The following PXMP4 variants were observed in gnomAD, a reference collection of about 807,000 sequenced individuals.
PXMP4 encodes peroxisomal membrane protein 4.
In PXMP4, 16 loss-of-function variants were observed where a neutral mutation model predicts 21.6. The observed-to-expected ratio is 0.74, with a 90% CI of 0.50 to 1.13. The LOEUF (loss-of-function observed/expected upper bound fraction) is 1.13. PXMP4 is among the 50% of genes most tolerant of loss of function. The pLI is 0.00. For synonymous variants in PXMP4, 127 were observed against 123.8 expected, an observed-to-expected ratio of 1.03 and a Z score of -0.17; for missense variants, 240 against 277.7, an observed-to-expected ratio of 0.86 and a Z score of 0.96.
At chr20:33,713,809 T>C (rs1055650592) in intron 2 of PXMP4, among the ~76,000 whole-genome samples, 4 of 152,244 alleles carry the variant, frequency 2.6e-5, no homozygotes, top group Non-Finnish European at 5.9e-5. Flanking sequence ...ATGATTCCTG[T>C]ATGTTCCACA....
At chr20:33,717,658 A>AAAAT (rs1555866644) in intron 1 of PXMP4, among the ~76,000 whole-genome samples, 5,966 of 137,200 alleles carry the variant, frequency 0.043, 434 homozygotes, top group African/African-American at 0.072. Context: ...AAAAAAAAAA[A>AAAAT]TTATTAAATA....
rs1377998969 is a variant in PXMP4 at position 33,706,607 on chromosome 20, C to T, written c.*1099G>A. 1 of 151,982 alleles carries T rather than the reference C, an allele frequency of 6.6e-6. No homozygotes were observed. The highest frequency in any genetic ancestry group is 1.5e-5 in the Non-Finnish European group (1 of 68,024). 9.4% of individuals were successfully genotyped at this position (151,982 alleles called of 1,614,324 possible). A position where few individuals can be genotyped will look rare whatever the true frequency, so the allele number is the denominator to read the frequency against. Reference sequence around the variant, plus strand: ...GCTCTGAGAGGTCCAGAACCTTCCCCAAGGTTACACAGTGGGGGAGTGGGG... The same window carrying T: ...GCTCTGAGAGGTCCAGAACCTTCCCTAAGGTTACACAGTGGGGGAGTGGGG... On this transcript the variant is annotated 3_prime_UTR_variant, in exon 4 of 4. Transcript: ENST00000409299.
Position 33,704,192 on chromosome 20 carries a change from A to G in PXMP4, c.*3514T>C. The G allele has an allele frequency of 6.4e-6, 1 of 156,096 alleles. No homozygotes were observed. Among genetic ancestry groups the G allele is most frequent in the Non-Finnish European group, 1.4e-5 (1 of 71,054 alleles). 9.7% of individuals were successfully genotyped at this position (156,096 alleles called of 1,614,324 possible). On this transcript the variant is annotated 3_prime_UTR_variant, in exon 4 of 4. Coordinates refer to ENST00000409299, the MANE Select transcript of PXMP4 (RefSeq NM_007238.5). Reference sequence around the variant, plus strand: ...ATAATTGTACAACACACCATAATGTAGAATCAGTGGGAGCCCTGAGTTTGT... The same window carrying G: ...ATAATTGTACAACACACCATAATGTGGAATCAGTGGGAGCCCTGAGTTTGT...
intron 1 of PXMP4, among the ~76,000 whole-genome samples, chr20:33,715,692 G>A (rs948423155): frequency 1.3e-5 from 2 of 152,084 alleles, no homozygotes; most frequent in South Asian, 4.1e-4. Flanking sequence ...CTCCTAAAGT[G>A]CTGGGATTAC....
Position 33,702,813 on chromosome 20 carries a change from G to A in PXMP4, c.*4893C>T, listed in dbSNP as rs912219790. On this transcript the variant is annotated 3_prime_UTR_variant, in exon 4 of 4. Coordinates refer to ENST00000409299, the MANE Select transcript of PXMP4 (RefSeq NM_007238.5). Reference sequence around the variant, plus strand: ...ACATGTCAAAAGAATTAACAGGATTGTAGCAGGTGTTTAGTAAGTAGAGGT... The same window carrying A: ...ACATGTCAAAAGAATTAACAGGATTATAGCAGGTGTTTAGTAAGTAGAGGT... 3 of 152,148 alleles carry A rather than the reference G, an allele frequency of 2.0e-5. No individual in the cohort carries two copies. The highest frequency in any genetic ancestry group is 4.8e-5 in the African/African-American group (2 of 41,414). 9.4% of individuals were successfully genotyped at this position (152,148 alleles called of 1,614,324 possible). A position where few individuals can be genotyped will look rare whatever the true frequency, so the allele number is the denominator to read the frequency against.
At chr20:33,708,394 C>G (rs1015612748) in intron 3 of PXMP4, among the ~76,000 whole-genome samples, 4 of 151,884 alleles carry the variant, frequency 2.6e-5, no homozygotes, top group Non-Finnish European at 5.9e-5. Context: ...AATGTGTTGG[C>G]CAGGATGGTC....
At chr20:33,717,167 G>T (rs1040111701) in intron 1 of PXMP4, among the ~76,000 whole-genome samples, 1 of 152,000 alleles carries the variant, frequency 6.6e-6, no homozygotes, top group African/African-American at 2.4e-5. Flanking sequence ...AGCAGACTAA[G>T]ACTCTGTCTC....
At position 33,706,112 on chromosome 20, in the gene PXMP4, G is replaced by A. The variant is rs2018254393; in HGVS notation, c.*1594C>T. The A allele has an allele frequency of 6.6e-6, 1 of 151,864 alleles. No homozygotes were observed. The highest frequency in any genetic ancestry group is 1.5e-5 in the Non-Finnish European group (1 of 67,990). 9.4% of individuals were successfully genotyped at this position (151,864 alleles called of 1,614,324 possible). ...GGCTAATTTTTGTATTTTTAGTAGA[G>A]ATGGGGTTTTACCATGTTGGCCAGG... On this transcript the variant is annotated 3_prime_UTR_variant, in exon 4 of 4. Transcript: ENST00000409299.
In PXMP4 at chr20:33,720,093, A is replaced by C; in HGVS notation, c.113+2T>G. On this transcript the variant is annotated splice_donor_variant, in intron 1 of 3. Transcript: ENST00000409299. LOFTEE classifies it high-confidence loss of function. ...CCAGCCCGGCCCGACGGCCCCACTC[A>C]CACAGCCCCGTTCCGGAAGCCCTTA... 1 of 1,613,328 alleles carries C rather than the reference A, an allele frequency of 6.2e-7. No homozygotes were observed. The highest frequency in any genetic ancestry group is 8.5e-7 in the Non-Finnish European group (1 of 1,179,626).
chr20:33,713,675 T>C (rs1352644325), intron 2 of PXMP4, among the ~76,000 whole-genome samples: 1 of 148,602 alleles, frequency 6.7e-6, no homozygotes, highest in Non-Finnish European at 1.5e-5. Context: ...AATGAACACA[T>C]GAGTTCAGTT....
At position 33,702,893 on chromosome 20, in the gene PXMP4, A is replaced by G. The variant is rs1019072450; in HGVS notation, c.*4813T>C. 6.6e-6 allele frequency: 1 copy of G among 152,224 alleles called. No individual in the cohort carries two copies. Among genetic ancestry groups the G allele is most frequent in the African/African-American group, 2.4e-5 (1 of 41,452 alleles). The allele number at this position is 152,224 out of a possible 1,614,324, so 9.4% of individuals were successfully genotyped here. ...TAGGAAGCATAGCACTTACTGTGCA[A>G]CAAGAGCCCTCTGGCCATCCCTGTT... is the stretch of plus-strand genomic sequence containing the variant. On this transcript the variant is annotated 3_prime_UTR_variant, in exon 4 of 4. Transcript: ENST00000409299.
At chr20:33,714,639 T>G in intron 2 of PXMP4, 35 bp downstream of exon 2, 1 of 1,601,482 alleles carries the variant, frequency 6.2e-7, no homozygotes, top group Non-Finnish European at 8.6e-7. Context: ...CACTGAGGGC[T>G]GACCACATTC....
At position 33,710,744 on chromosome 20, in the gene PXMP4, C is replaced by G. The variant is rs746186902; in HGVS notation, c.186G>C (p.Glu62Asp). 13 of 1,602,338 alleles carry G rather than the reference C, an allele frequency of 8.1e-6. No individual in the cohort carries two copies. Among genetic ancestry groups the G allele is most frequent in the Non-Finnish European group, 1.0e-5 (12 of 1,172,812 alleles). Residue 62 changes from glutamate (E) to aspartate (D), a missense_variant, in exon 3 of 4, where the codon GAG becomes GAC. Coordinates refer to ENST00000409299, the MANE Select transcript of PXMP4 (RefSeq NM_007238.5). Reference protein sequence around the residue: ...TFLFRNGSLQEKLWAILQATY... With the variant: ...TFLFRNGSLQDKLWAILQATY... ...TGGCCTGCAGTATGGCCCACAGCTTCTCCTGGAGGCTGCACAAACACAGGT... is the reference window on the plus strand; with the variant it reads ...TGGCCTGCAGTATGGCCCACAGCTTGTCCTGGAGGCTGCACAAACACAGGT...
intron 2 of PXMP4, among the ~76,000 whole-genome samples, chr20:33,713,239 T>C (rs2018349947): frequency 6.6e-6 from 1 of 152,098 alleles, no homozygotes. Flanking sequence ...CTCTGTCCTC[T>C]CTCCCCTTCA....
chr20:33,707,921 C>T lies in PXMP4; in HGVS notation c.424G>A (p.Ala142Thr). The part of the protein sequence containing the change: ...SRVLFALSRL[A>T]VEKGYIPEPR... ...TCAGGGATGTAGCCCTTCTCTACAG[C>T]CAGGCGGCTCAGGGCAAACAGGACG... Residue 142 changes from alanine (A) to threonine (T), a missense_variant, in exon 4 of 4, where the codon GCT becomes ACT. By Grantham distance (58) the Ala-to-Thr change is moderately conservative. Transcript: ENST00000409299. The T allele has an allele frequency of 6.2e-7, 1 of 1,614,092 alleles. No individual in the cohort carries two copies. The highest frequency in any genetic ancestry group is 8.5e-7 in the Non-Finnish European group (1 of 1,180,038).
At chr20:33,716,615 T>C (rs2059119605) in intron 1 of PXMP4, among the ~76,000 whole-genome samples, 1 of 152,202 alleles carries the variant, frequency 6.6e-6, no homozygotes, top group Non-Finnish European at 1.5e-5. Flanking sequence ...TGTGCTAGAC[T>C]GTGGGCTCTG....
In PXMP4 at chr20:33,709,390, G is replaced by A. The variant is rs571959928; in HGVS notation, c.375+1165C>T. ...AAAGCGAAGTTTAACCCAGAAAAAG[G>A]ACAAGTCACAGAATGAGAGACAGTT... On this transcript the variant is annotated intron_variant, in intron 3 of 3. Coordinates refer to ENST00000409299, the MANE Select transcript of PXMP4 (RefSeq NM_007238.5). Among the ~76,000 whole-genome samples the A allele has an allele frequency of 3.6e-4, 55 of 152,236 alleles. No individual in the cohort carries two copies. The South Asian group carries it at 0.011, about 30-fold the overall frequency.
In PXMP4 at chr20:33,705,348, T is replaced by G. The variant is rs1176134045; in HGVS notation, c.*2358A>C. Reference sequence around the variant, plus strand: ...CAGGCATGGTGGCTCACACCTGTAATCCCAGCATTTTGGGAGGCCAAGGTG... The same window carrying G: ...CAGGCATGGTGGCTCACACCTGTAAGCCCAGCATTTTGGGAGGCCAAGGTG... On this transcript the variant is annotated 3_prime_UTR_variant, in exon 4 of 4. Transcript: ENST00000409299. 5 of 150,816 alleles carry G rather than the reference T, an allele frequency of 3.3e-5. No individual in the cohort carries two copies. Among genetic ancestry groups the G allele is most frequent in the African/African-American group, 1.2e-4 (5 of 41,120 alleles). 9.3% of individuals were successfully genotyped at this position (150,816 alleles called of 1,614,324 possible).
chr20:33,714,764 A>G (rs1568921882), intron 1 of PXMP4, 28 bp from the exon 2 acceptor site: 17 of 1,605,596 alleles, frequency 1.1e-5, no homozygotes, highest in Non-Finnish European at 1.4e-5. Flanking sequence ...AACAGTTACT[A>G]TAATGTCACT....
Sources: allele counts gnomAD v4.1 joint callset (sites outside exome capture counted in the v4.1 genomes callset), GRCh38; gene constraint gnomAD v4.1.1; transcripts MANE v1.5; gene names NCBI Gene and HGNC (gene_info 2026-07-23, HGNC 2026-07-21).